Variants in XPO5 observed in about 807,000 individuals in gnomAD.
The protein encoded by XPO5 is exportin-5.
In XPO5, 46 loss-of-function variants were observed where a neutral mutation model predicts 160.6. The observed-to-expected ratio is 0.29, with a 90% CI of 0.23 to 0.37. XPO5 has a LOEUF of 0.37. Among genes scored for constraint, XPO5 ranks in the 10% least tolerant of loss-of-function variants. The probability of loss-of-function intolerance (pLI) is 1.00; values close to 1 mark genes in which losing one functional copy is unlikely to be tolerated. For missense variants in XPO5, 1,090 were observed against 1,463.9 expected, an observed-to-expected ratio of 0.74 and a Z score of 4.17; for synonymous variants, 537 against 519.3, an observed-to-expected ratio of 1.03 and a Z score of -0.46.
At chr6:43,565,259 A>G (rs955853295) in intron 8 of XPO5, among the ~76,000 whole-genome samples, 3 of 152,034 alleles carry the variant, frequency 2.0e-5, no homozygotes, top group Admixed American at 1.3e-4. Context: ...CTGTCGATTG[A>G]CAGCTAGCAT....
rs771204450 is a variant in XPO5 at position 43,547,629 on chromosome 6, C to T, written c.2139G>A (p.Pro713=). ...QKSCDPGLED[P]CGLNRARMSF... The stretch of plus-strand genomic sequence containing the variant: ...TTACTCGTGCACGGTTTAAGCCACA[C>T]GGATCCTCCAGGCCTGGGTCACAGC... Residue 713 remains proline, a synonymous_variant, in exon 19 of 32, where the codon CCG becomes CCA. Transcript: ENST00000265351. The T allele has an allele frequency of 1.7e-5, 28 of 1,613,880 alleles. No individual in the cohort carries two copies. Among genetic ancestry groups the T allele is most frequent in the South Asian group, 5.5e-5 (5 of 91,088 alleles).
intron 16 of XPO5, 148 bp downstream of exon 16, chr6:43,549,745 T>C: frequency 9.0e-7 from 1 of 1,115,980 alleles, no homozygotes; most frequent in East Asian, 2.6e-5. Flanking sequence ...ATGTTTCTTG[T>C]ATGCCCTATA....
intron 28 of XPO5, 173 bp downstream of exon 28, chr6:43,525,666 C>T (rs1793539150): frequency 4.7e-6 from 3 of 642,158 alleles, no homozygotes; most frequent in African/African-American, 3.7e-5. Flanking sequence ...GTATGGGAGA[C>T]ACCATGGCAT....
chr6:43,542,221 A>C (rs2127722087), intron 20 of XPO5, among the ~76,000 whole-genome samples: 1 of 152,214 alleles, frequency 6.6e-6, no homozygotes, highest in African/African-American at 2.4e-5. Context: ...CCAATTCTGA[A>C]AGTACTGTAA....
intron 1 of XPO5, among the ~76,000 whole-genome samples, chr6:43,575,493 G>C (rs539314496): frequency 8.9e-4 from 136 of 152,352 alleles, no homozygotes; most frequent in Admixed American, 1.5e-3. Context: ...GCGAGGAAAG[G>C]GGGAGGAGAG....
intron 23 of XPO5, chr6:43,529,440 G>C (rs1048530473): frequency 3.1e-6 from 1 of 326,130 alleles, no homozygotes; most frequent in Non-Finnish European, 5.8e-6. Context: ...TGTAGTCCCA[G>C]CTACTCGAGA....
intron 22 of XPO5, among the ~76,000 whole-genome samples, chr6:43,531,081 G>A (rs1329369412): frequency 6.6e-6 from 1 of 152,140 alleles, no homozygotes; most frequent in South Asian, 2.1e-4. Flanking sequence ...TTAGTGTAGT[G>A]GTTAGTGAGG....
At chr6:43,534,148 A>G (rs753216281) in intron 20 of XPO5, 141 bp from the exon 21 acceptor site, 2 of 526,280 alleles carry the variant, frequency 3.8e-6, no homozygotes, top group Non-Finnish European at 6.8e-6. Flanking sequence ...GAAGGTATAA[A>G]TATCTGAATG....
At chr6:43,533,040 T>A (rs898110588) in intron 21 of XPO5, among the ~76,000 whole-genome samples, 1 of 152,022 alleles carries the variant, frequency 6.6e-6, no homozygotes, top group African/African-American at 2.4e-5. Flanking sequence ...CAGCAGGCTG[T>A]GGGAGAATCA....
intron 17 of XPO5, among the ~76,000 whole-genome samples, chr6:43,549,104 C>T (rs1795105894): frequency 6.6e-6 from 1 of 152,164 alleles, no homozygotes; most frequent in Admixed American, 6.6e-5. Flanking sequence ...TCGCTCGTTG[C>T]CCAGGCTGGA....
intron 3 of XPO5, 96 bp downstream of exon 3, chr6:43,572,410 T>A: frequency 8.3e-7 from 1 of 1,204,820 alleles, no homozygotes; most frequent in Non-Finnish European, 1.2e-6. Context: ...CTGACCTATT[T>A]AGAAGCAGTG....
At chr6:43,560,884 CCTAA>C (rs1277634405) in intron 10 of XPO5, 36 bp downstream of exon 10, 3 of 1,514,434 alleles carry the variant, frequency 2.0e-6, no homozygotes, top group African/African-American at 2.7e-5. Flanking sequence ...CATTGGTTCA[CCTAA>C]CTAAACTTTT....
At chr6:43,574,746 T>C (rs1763209090) in intron 1 of XPO5, among the ~76,000 whole-genome samples, 1 of 152,020 alleles carries the variant, frequency 6.6e-6, no homozygotes. Flanking sequence ...GTAAAATCTT[T>C]GATTGCTGAA....
intron 27 of XPO5, chr6:43,526,341 G>A: frequency 5.0e-6 from 2 of 398,404 alleles, no homozygotes; most frequent in Middle Eastern, 7.2e-4. Context: ...AGTGACAACT[G>A]CTATGAAGAA....
Position 43,538,679 on chromosome 6 carries a change from C to T in XPO5, c.2343-4672G>A, listed in dbSNP as rs926890288. 5 of 413,436 alleles carry T rather than the reference C, an allele frequency of 1.2e-5. No individual in the cohort carries two copies. The East Asian group carries it at 2.1e-4, about 17-fold the overall frequency. 25.6% of individuals were successfully genotyped at this position (413,436 alleles called of 1,614,324 possible). A position where few individuals can be genotyped will look rare whatever the true frequency, so the allele number is the denominator to read the frequency against. ...TCTCTATGTTTACAAGTGATTTAGG[C>T]CTATAATTTTCCTCTTTGGTACTGT... On this transcript the variant is annotated intron_variant, in intron 20 of 31. Coordinates refer to ENST00000265351, the MANE Select transcript of XPO5 (RefSeq NM_020750.3).
At chr6:43,527,852 A>C (rs1448107949) in intron 25 of XPO5, 121 bp from the exon 26 acceptor site, 1 of 1,022,328 alleles carries the variant, frequency 9.8e-7, no homozygotes, top group Non-Finnish European at 1.4e-6. Context: ...CGTTTTATGC[A>C]AAAGTTGGGA....
intron 2 of XPO5, 107 bp from the exon 3 acceptor site, chr6:43,572,685 A>C: frequency 8.3e-7 from 1 of 1,209,140 alleles, no homozygotes; most frequent in Non-Finnish European, 1.2e-6. Context: ...TTTCATTAAG[A>C]AATTATACTT....
At chr6:43,552,939 T>C (rs978914464) in intron 14 of XPO5, among the ~76,000 whole-genome samples, 6 of 152,202 alleles carry the variant, frequency 3.9e-5, no homozygotes, top group African/African-American at 1.4e-4. Flanking sequence ...ATTAGCTGTT[T>C]GAACTTGAGT....
chr6:43,525,966 G>T, intron 27 of XPO5, 45 bp from the exon 28 acceptor site: 1 of 1,599,512 alleles, frequency 6.3e-7, no homozygotes, highest in East Asian at 2.2e-5. Context: ...TTTCAGAACA[G>T]AGAAGAATAT....
Sources: gnomAD v4.1 joint callset for allele counts (sites outside exome capture counted in the v4.1 genomes callset) on GRCh38, gnomAD v4.1.1 for gene constraint, MANE v1.5 for transcripts, NCBI Gene and HGNC (gene_info 2026-07-23, HGNC 2026-07-21) for gene names.